The following ACBD5 variants were observed in gnomAD, a reference collection of about 807,000 sequenced individuals.
ACBD5 encodes acyl-CoA-binding domain-containing protein 5.
A neutral mutation model predicts 71.8 loss-of-function variants in ACBD5; 40 were observed. The observed-to-expected ratio is 0.56, with a 90% CI of 0.43 to 0.72. The LOEUF (loss-of-function observed/expected upper bound fraction) is 0.72, where lower values mean the gene tolerates loss of function less well. Among genes scored for constraint, ACBD5 ranks in the 30% least tolerant of loss-of-function variants. The pLI, the probability that ACBD5 is intolerant of heterozygous loss-of-function variation, is 0.00. For synonymous variants in ACBD5, 229 were observed against 218.6 expected (o/e 1.05, Z -0.42); for missense variants, 559 against 644.5 (o/e 0.87, Z 1.44).
chr10:27,183,927 G>A (rs1055325386), intron 13 of ACBD5, among the ~76,000 whole-genome samples: 1 of 152,072 alleles, frequency 6.6e-6, no homozygotes, highest in Admixed American at 6.6e-5. Flanking sequence ...GCCCAGGCTG[G>A]TCTCGAACTC....
At chr10:27,183,282 T>C (rs190415062) in intron 13 of ACBD5, among the ~76,000 whole-genome samples, 1 of 151,768 alleles carries the variant, frequency 6.6e-6, no homozygotes, top group Non-Finnish European at 1.5e-5. Context: ...GTTGTTGTTG[T>C]TGTTGTTGTT....
At chr10:27,200,713 C>T (rs563710173) in intron 12 of ACBD5, among the ~76,000 whole-genome samples, 1 of 152,306 alleles carries the variant, frequency 6.6e-6, no homozygotes, top group Non-Finnish European at 1.5e-5. Flanking sequence ...CTCACCTCGG[C>T]CTCCCAAAGT....
intron 9 of ACBD5, among the ~76,000 whole-genome samples, chr10:27,208,821 G>C (rs1164802880): frequency 6.6e-6 from 1 of 152,060 alleles, no homozygotes; most frequent in Non-Finnish European, 1.5e-5. Context: ...CTGGGCGACA[G>C]AGCGATACTC....
intron 8 of ACBD5, 48 bp from the exon 9 acceptor site, chr10:27,211,129 T>C (rs1589111457): frequency 6.3e-7 from 1 of 1,595,344 alleles, no homozygotes; most frequent in Admixed American, 1.7e-5. Flanking sequence ...ATGTGAATTA[T>C]ACACCACAAA....
In ACBD5 at chr10:27,197,059, G is replaced by T. The variant is rs2059439857; in HGVS notation, c.*371C>A. Reference sequence around the variant, plus strand: ...ATTAAAAATAATAACTTATAAATTTGATCTCATTATCACAATGGTACCTTT... The same window carrying T: ...ATTAAAAATAATAACTTATAAATTTTATCTCATTATCACAATGGTACCTTT... On this transcript the variant is annotated 3_prime_UTR_variant, in exon 13 of 13. Transcript: ENST00000396271. 4.4e-6 allele frequency: 2 copies of T among 450,684 alleles called. No homozygotes were observed. Among genetic ancestry groups the T allele is most frequent in the Middle Eastern group, 7.1e-4 (1 of 1,408 alleles). 27.9% of individuals were successfully genotyped at this position (450,684 alleles called of 1,614,324 possible). A position where few individuals can be genotyped will look rare whatever the true frequency, so the allele number is the denominator to read the frequency against.
intron 10 of ACBD5, among the ~76,000 whole-genome samples, chr10:27,205,672 C>T (rs572579696): frequency 1.1e-3 from 160 of 151,532 alleles, no homozygotes; most frequent in Non-Finnish European, 2.0e-3. Context: ...GGGAGGCAAG[C>T]ACCACCACAC....
At position 27,199,228 on chromosome 10, in the gene ACBD5, G is replaced by A. The variant is rs577177301; in HGVS notation, c.1566-1786C>T. Among the ~76,000 whole-genome samples the A allele has an allele frequency of 5.3e-5, 8 of 149,802 alleles. No individual in the cohort carries two copies. In the East Asian group the frequency reaches 5.9e-4, roughly 11 times the overall value. ...TTTTGAGATGGAGTCTCGCTCTGTC[G>A]CCCAGGCTGGAGTGCAGTGGCGCGC... is the stretch of plus-strand genomic sequence containing the variant. On this transcript the variant is annotated intron_variant, in intron 12 of 12. Transcript: ENST00000396271.
At chr10:27,241,700 C>A (rs933254242), upstream of ACBD5, among the ~76,000 whole-genome samples, 4 of 151,158 alleles carry the variant, frequency 2.6e-5, no homozygotes, top group Non-Finnish European at 1.5e-5. Flanking sequence ...TACCCTGGCT[C>A]TATTTAAGAA....
rs1325547913 is a variant in ACBD5 at position 27,219,706 on chromosome 10, G to T, written c.625+17C>A. ...TTTATTTATTGCAAAATTACTAACTGATTTTCCAAACATTACCATTATCAC... is the reference window on the plus strand; with the variant it reads ...TTTATTTATTGCAAAATTACTAACTTATTTTCCAAACATTACCATTATCAC... On this transcript the variant is annotated intron_variant, in intron 6 of 12. Coordinates refer to ENST00000396271, the MANE Select transcript of ACBD5 (RefSeq NM_145698.5). The T allele has an allele frequency of 6.2e-7, 1 of 1,613,230 alleles. No individual in the cohort carries two copies. Among genetic ancestry groups the T allele is most frequent in the Admixed American group, 1.7e-5 (1 of 59,998 alleles).
At position 27,196,088 on chromosome 10, in the gene ACBD5, G is replaced by A; in HGVS notation, c.*1342C>T. 2.3e-6 allele frequency: 1 copy of A among 440,112 alleles called. No homozygotes were observed. Among genetic ancestry groups the A allele is most frequent in the Non-Finnish European group, 4.5e-6 (1 of 220,912 alleles). The allele number at this position is 440,112 out of a possible 1,614,324, so 27.3% of individuals were successfully genotyped here. On this transcript the variant is annotated 3_prime_UTR_variant, in exon 13 of 13. Transcript: ENST00000396271. ...ATGGTGGTGCATGCCTGTAATCCCAGCTACTTGGGAGTGAGGCAGGAGAAT... is the reference window on the plus strand; with the variant it reads ...ATGGTGGTGCATGCCTGTAATCCCAACTACTTGGGAGTGAGGCAGGAGAAT...
At chr10:27,208,187 T>G in intron 10 of ACBD5, 59 bp downstream of exon 10, 1 of 1,522,178 alleles carries the variant, frequency 6.6e-7, no homozygotes, top group South Asian at 1.1e-5. Flanking sequence ...CAACGCAGAC[T>G]CCACATTGCT....
intron 10 of ACBD5, among the ~76,000 whole-genome samples, chr10:27,205,774 C>T (rs183025894): frequency 1.3e-4 from 19 of 151,964 alleles, no homozygotes; most frequent in Admixed American, 3.3e-4. Context: ...AGGTGATCCA[C>T]CCACCTCAGC....
intron 3 of ACBD5, among the ~76,000 whole-genome samples, chr10:27,232,052 CAG>C (rs1445554526): frequency 6.6e-6 from 1 of 151,952 alleles, no homozygotes; most frequent in East Asian, 1.9e-4. Context: ...AGTAATGTAC[CAG>C]AGACTACAGA....
At chr10:27,221,983 A>G (rs1266170143) in intron 5 of ACBD5, among the ~76,000 whole-genome samples, 2 of 151,726 alleles carry the variant, frequency 1.3e-5, no homozygotes, top group African/African-American at 2.4e-5. Flanking sequence ...TTGAATAAGC[A>G]TGCCTTATAA....
rs1295676526 is a variant in ACBD5, at chr10:27,195,341, T to A, written c.*2089A>T. The A allele has an allele frequency of 2.2e-6, 1 of 454,058 alleles. No individual in the cohort carries two copies. 28.1% of individuals were successfully genotyped at this position (454,058 alleles called of 1,614,324 possible). ...TATTAAACAAAGCAGGAACACTATA[T>A]CCTATAATTACATCTTTACTTTTAT... On this transcript the variant is annotated 3_prime_UTR_variant, in exon 13 of 13. Transcript: ENST00000396271.
chr10:27,229,505 A>G (rs1241223877), intron 4 of ACBD5, among the ~76,000 whole-genome samples: 1 of 152,012 alleles, frequency 6.6e-6, no homozygotes, highest in African/African-American at 2.4e-5. Context: ...GGCACGCACC[A>G]CTGCACTCCA....
At chr10:27,221,938 A>G (rs965402831) in intron 5 of ACBD5, among the ~76,000 whole-genome samples, 1 of 145,640 alleles carries the variant, frequency 6.9e-6, no homozygotes, top group African/African-American at 2.5e-5. Context: ...AAAAAAAAAA[A>G]AGAAAAGAAG....
chr10:27,188,943 T>G (rs895671821), intron 13 of ACBD5, among the ~76,000 whole-genome samples: 29 of 152,190 alleles, frequency 1.9e-4, no homozygotes, highest in Non-Finnish European at 5.9e-5. Flanking sequence ...AATGCCTCTT[T>G]GACATAAAAA....
intron 4 of ACBD5, among the ~76,000 whole-genome samples, chr10:27,228,241 G>T (rs1369522269): frequency 1.5e-5 from 2 of 129,114 alleles, no homozygotes; most frequent in South Asian, 2.5e-4. Context: ...GAATATTCTG[G>T]AAATCCCCAG....
Sources: allele counts gnomAD v4.1 joint callset (sites outside exome capture counted in the v4.1 genomes callset), GRCh38; gene constraint gnomAD v4.1.1; transcripts MANE v1.5; gene names NCBI Gene and HGNC (gene_info 2026-07-23, HGNC 2026-07-21).